TRIM43B: variants seen among roughly 807,000 people sequenced by gnomAD.
TRIM43B encodes the protein tripartite motif containing 43B.
In TRIM43B, 15 loss-of-function variants were observed where a neutral mutation model predicts 27.0. That is an observed-to-expected ratio of 0.55 (90% CI 0.37 to 0.85). TRIM43B has a LOEUF of 0.85. Ranked by LOEUF, TRIM43B falls within the 40% of genes least tolerant of loss-of-function variation. The probability of loss-of-function intolerance (pLI) is 0.00; values close to 1 mark genes in which losing one functional copy is unlikely to be tolerated. For missense variants in TRIM43B, 172 were observed against 289.8 expected (o/e 0.59, Z 2.95); for synonymous variants, 69 against 97.8 (o/e 0.71, Z 1.74).
chr2:95,484,063 A>G (rs1255469123), intron 1 of TRIM43B, among the ~76,000 whole-genome samples: 1 of 134,448 alleles, frequency 7.4e-6, no homozygotes, highest in African/African-American at 2.7e-5. Context: ...ATACTTATAT[A>G]AATTTAAAAA....
intron 1 of TRIM43B, among the ~76,000 whole-genome samples, chr2:95,483,832 C>T (rs1297756803): frequency 6.6e-6 from 1 of 151,550 alleles, no homozygotes; most frequent in African/African-American, 2.4e-5. Context: ...TGTCTCCCCC[C>T]CAAAACAAAA....
At chr2:95,483,418 A>T (rs1248245704) in intron 1 of TRIM43B, among the ~76,000 whole-genome samples, 1 of 151,060 alleles carries the variant, frequency 6.6e-6, no homozygotes. Flanking sequence ...ATATTACAAC[A>T]TCTTTAAAAG....
exon 2 of TRIM43B, chr2:95,482,491 G>T (rs775387040): frequency 6.2e-7 from 1 of 1,605,404 alleles, no homozygotes. Flanking sequence ...TCTGGCAATG[G>T]TCACTAAATT....
chr2:95,482,166 A>G, intron 2 of TRIM43B, 138 bp downstream of exon 2: 1 of 724,578 alleles, frequency 1.4e-6, no homozygotes, highest in Non-Finnish European at 2.2e-6. Context: ...ATTTTATTCA[A>G]AATGTCATCA....
chr2:95,480,409 G>A (rs1255622485), exon 4 of TRIM43B: 1 of 1,608,936 alleles, frequency 6.2e-7, no homozygotes, highest in Non-Finnish European at 8.5e-7. Flanking sequence ...CTTCTCTGGA[G>A]TTGCTGAAAA....
exon 4 of TRIM43B, chr2:95,480,385 C>G: frequency 6.2e-7 from 1 of 1,609,192 alleles, no homozygotes; most frequent in Non-Finnish European, 8.5e-7. Context: ...CTCTTTTGAT[C>G]CATTTTGACC....
At chr2:95,483,905 AT>A (rs1367799691) in intron 1 of TRIM43B, among the ~76,000 whole-genome samples, 1 of 151,890 alleles carries the variant, frequency 6.6e-6, no homozygotes, top group Non-Finnish European at 1.5e-5. Context: ...TTTTGCTAAA[AT>A]ACAAATAAAA....
chr2:95,481,660 A>G (rs921443630), exon 3 of TRIM43B: 1 of 1,612,366 alleles, frequency 6.2e-7, no homozygotes, highest in Non-Finnish European at 8.5e-7. Flanking sequence ...ATCTTTTTCC[A>G]TAAAATCCTC....
At chr2:95,481,198 G>A (rs1228843917) in intron 3 of TRIM43B, among the ~76,000 whole-genome samples, 1 of 151,988 alleles carries the variant, frequency 6.6e-6, no homozygotes, top group East Asian at 1.9e-4. Flanking sequence ...TTTGCTACCA[G>A]ATTTCACCAG....
In TRIM43B at chr2:95,481,801, A is replaced by T. The variant is rs578246249; in HGVS notation, c.412-111T>A. On this transcript the variant is annotated intron_variant, in intron 2 of 6. Transcript: ENST00000639673. The stretch of plus-strand genomic sequence containing the variant: ...TATAAATACATTAGTGAGAGGAGAA[A>T]AAAACAAAATTTTTCATTGCTCATC... 4.3e-4 allele frequency: 491 copies of T among 1,133,828 alleles called. 3 individuals are homozygous for T. The highest frequency in any genetic ancestry group is 5.6e-4 in the Non-Finnish European group (456 of 820,234). 70.2% of individuals were successfully genotyped at this position (1,133,828 alleles called of 1,614,324 possible).
exon 3 of TRIM43B, chr2:95,481,654 T>C (rs1303820414): frequency 6.2e-7 from 1 of 1,612,520 alleles, no homozygotes; most frequent in African/African-American, 1.3e-5. Flanking sequence ...TCTTGAATCT[T>C]TTTCCATAAA....
At chr2:95,482,556 A>T (rs951665262) in exon 2 of TRIM43B, 32 of 1,612,608 alleles carry the variant, frequency 2.0e-5, no homozygotes, top group African/African-American at 1.9e-4. Context: ...CCCTGCATGC[A>T]GGGCAGTTTG....
intron 1 of TRIM43B, among the ~76,000 whole-genome samples, chr2:95,484,069 A>T (rs71382813): frequency 3.1e-4 from 16 of 51,408 alleles, no homozygotes; most frequent in South Asian, 4.1e-4. Context: ...ATATAAATTT[A>T]AAAAAAAAAA....
intron 3 of TRIM43B, among the ~76,000 whole-genome samples, chr2:95,480,790 TA>T (rs2104400365): frequency 6.6e-6 from 1 of 152,326 alleles, no homozygotes; most frequent in East Asian, 1.9e-4. Flanking sequence ...GATTGATTGT[TA>T]CATTGTCATG....
At chr2:95,482,611 C>A in exon 2 of TRIM43B, 1 of 1,613,626 alleles carries the variant, frequency 6.2e-7, no homozygotes, top group Non-Finnish European at 8.5e-7. Context: ...ACAGGGCCTA[C>A]AGAAGCTGTG....
exon 2 of TRIM43B, chr2:95,482,576 G>T: frequency 6.2e-7 from 1 of 1,613,060 alleles, no homozygotes; most frequent in Non-Finnish European, 8.5e-7. Flanking sequence ...GCAGGACTTT[G>T]GGCTTCCTCC....
chr2:95,481,611 G>T lies in TRIM43B; in HGVS notation c.491C>A (p.Thr164Lys), dbSNP rs911525586. The change falls in exon 3 of 7, where the codon ACA (threonine) becomes AAA (lysine). Residue 164 changes from threonine (T) to lysine (K), a missense_variant. Thr to Lys is a moderately conservative substitution (Grantham distance 78). Around this residue, in one of 3 missense-constraint regions of TRIM43B, gnomAD observed 67 missense variants for 66.4 expected, o/e 1.01. Coordinates refer to ENST00000639673, the Ensembl canonical transcript of TRIM43B. ...CATACTTACCCTCAAGAGGAAGGCTGTTCTTCTCTCCTCATATAGATTTCT... is the reference window on the plus strand; with the variant it reads ...CATACTTACCCTCAAGAGGAAGGCTTTTCTTCTCTCCTCATATAGATTTCT... 2.5e-6 allele frequency: 4 copies of T among 1,612,088 alleles called. No homozygotes were observed. In the African/African-American group the frequency reaches 5.3e-5, roughly 22 times the overall value.
At chr2:95,480,603 C>T in intron 3 of TRIM43B, 68 bp from the exon 4 acceptor site, 2 of 1,571,252 alleles carry the variant, frequency 1.3e-6, no homozygotes, top group Non-Finnish European at 1.7e-6. Flanking sequence ...CCCACAACTT[C>T]ATCCTCCTCA....
At chr2:95,480,582 A>T (rs1558813694) in intron 3 of TRIM43B, 47 bp from the exon 4 acceptor site, 1 of 1,599,772 alleles carries the variant, frequency 6.3e-7, no homozygotes, top group Non-Finnish European at 8.5e-7. Flanking sequence ...GCCTACTTCC[A>T]CCTCACAGAG....
Sources: gnomAD v4.1 joint callset for allele counts (sites outside exome capture counted in the v4.1 genomes callset) on GRCh38, gnomAD v4.1.1 for gene constraint, gnomAD v4.1.1 regional missense constraint, MANE v1.5 for transcripts, NCBI Gene and HGNC (gene_info 2026-07-23, HGNC 2026-07-21) for gene names.